RBM47: variants seen among roughly 807,000 people sequenced by gnomAD.
The protein encoded by RBM47 is RNA binding motif protein 47.
In RBM47, 21 loss-of-function variants were observed where a neutral mutation model predicts 47.1. The ratio of observed to expected loss-of-function variants is 0.45; its 90% CI spans 0.32 to 0.64. The LOEUF (loss-of-function observed/expected upper bound fraction) is 0.64, where lower values mean the gene tolerates loss of function less well. RBM47 is among the 30% of genes least tolerant of loss of function. The probability of loss-of-function intolerance (pLI) is 0.05; values close to 1 mark genes in which losing one functional copy is unlikely to be tolerated. For synonymous variants in RBM47, 375 were observed against 361.7 expected (o/e 1.04, Z -0.42); for missense variants, 708 against 870.9 (o/e 0.81, Z 2.35).
chr4:40,629,151 C>A lies in RBM47; in HGVS notation c.-240+245G>T, dbSNP rs141466624. On this transcript the variant is annotated intron_variant, in intron 1 of 6. Coordinates refer to ENST00000295971, the MANE Select transcript of RBM47 (RefSeq NM_001098634.2). ...TTCTTTTATGGGAAAAGATTCATCA[C>A]TACAGGAAACACGATGGGACTGACT... is the stretch of plus-strand genomic sequence containing the variant. Among the ~76,000 whole-genome samples the A allele has an allele frequency of 4.5e-4, 68 of 152,142 alleles. No homozygotes were observed. In the East Asian group the frequency reaches 0.011, roughly 24 times the overall value.
intron 1 of RBM47, among the ~76,000 whole-genome samples, chr4:40,614,816 G>A (rs1265664767): frequency 6.6e-6 from 1 of 151,900 alleles, no homozygotes; most frequent in Non-Finnish European, 1.5e-5. Flanking sequence ...GAGCAACATG[G>A]TAAAAAGGAC....
intron 1 of RBM47, among the ~76,000 whole-genome samples, chr4:40,564,498 C>T (rs1730914008): frequency 6.6e-6 from 1 of 152,214 alleles, no homozygotes; most frequent in South Asian, 2.1e-4. Flanking sequence ...CTTTATGTTA[C>T]AGCCACCTAG....
At chr4:40,432,262 A>T (rs997117066) in intron 6 of RBM47, among the ~76,000 whole-genome samples, 7 of 151,570 alleles carry the variant, frequency 4.6e-5, no homozygotes, top group African/African-American at 1.2e-4. Flanking sequence ...ACATTTTTTT[A>T]AAAAATCTTC....
rs116769112 is a variant in RBM47, at chr4:40,612,382, C to T, written c.-240+17014G>A. On this transcript the variant is annotated intron_variant, in intron 1 of 6. Coordinates refer to ENST00000295971, the MANE Select transcript of RBM47 (RefSeq NM_001098634.2). Reference sequence around the variant, plus strand: ...CAAAAAATAGCCACGTGTAGTGGCACATGCTTGCAATCCCAGCTACTTGGG... The same window carrying T: ...CAAAAAATAGCCACGTGTAGTGGCATATGCTTGCAATCCCAGCTACTTGGG... Among the ~76,000 whole-genome samples, 472 of 152,294 alleles carry T rather than the reference C, an allele frequency of 3.1e-3. 3 individuals carry two copies. Among genetic ancestry groups the T allele is most frequent in the African/African-American group, 0.011 (457 of 41,570 alleles).
At chr4:40,581,333 G>T (rs1425568861) in intron 1 of RBM47, among the ~76,000 whole-genome samples, 2 of 151,834 alleles carry the variant, frequency 1.3e-5, no homozygotes, top group Non-Finnish European at 2.9e-5. Context: ...GAGGTGGGAA[G>T]ATCCCTTGAG....
chr4:40,437,090 A>AAAAATATATATATAT (rs1256296949), intron 4 of RBM47, among the ~76,000 whole-genome samples: 3 of 49,804 alleles, frequency 6.0e-5, no homozygotes, highest in South Asian at 5.3e-4. Flanking sequence ...AAAAAAAAAA[A>AAAAATATATATATAT]ATATATATAT....
At chr4:40,437,090 A>AAAAAAAAAAAATATATATATAT (rs1256296949) in intron 4 of RBM47, among the ~76,000 whole-genome samples, 5 of 49,800 alleles carry the variant, frequency 1.0e-4, no homozygotes, top group East Asian at 7.8e-4. Flanking sequence ...AAAAAAAAAA[A>AAAAAAAAAAAATATATATATAT]ATATATATAT....
At position 40,498,054 on chromosome 4, in the gene RBM47, T is replaced by TTATATA. The variant is rs6148409; in HGVS notation, c.-154-31361_-154-31356dup. On this transcript the variant is annotated intron_variant, in intron 2 of 6. Transcript: ENST00000295971. ...TGCAAATAAAATGTAAGTGCTTGTT[T>TTATATA]TATATATATATATATATATATATAT... Among the ~76,000 whole-genome samples, 520 of 109,868 alleles carry TTATATA rather than the reference T, an allele frequency of 4.7e-3. 29 individuals are homozygous for TTATATA. The highest frequency in any genetic ancestry group is 5.0e-3 in the African/African-American group (158 of 31,672). 72.1% of individuals were successfully genotyped at this position (109,868 alleles called of 152,430 possible). A position where few individuals can be genotyped will look rare whatever the true frequency, so the allele number is the denominator to read the frequency against.
At chr4:40,451,936 A>G (rs1358748550) in intron 3 of RBM47, among the ~76,000 whole-genome samples, 1 of 152,144 alleles carries the variant, frequency 6.6e-6, no homozygotes, top group Non-Finnish European at 1.5e-5. Flanking sequence ...TTGGGAGGCC[A>G]AGGCGGGCAG....
At chr4:40,580,960 C>T (rs567545593) in intron 1 of RBM47, among the ~76,000 whole-genome samples, 2 of 152,226 alleles carry the variant, frequency 1.3e-5, no homozygotes, top group Admixed American at 6.5e-5. Context: ...CGCCCCATGG[C>T]GGGAACAGGT....
intron 1 of RBM47, among the ~76,000 whole-genome samples, chr4:40,595,876 G>A (rs141976236): frequency 0.011 from 1,617 of 151,974 alleles, 38 homozygotes; most frequent in African/African-American, 0.036. Context: ...CTGTTCTCCA[G>A]GCTGGGCAAC....
chr4:40,525,919 T>C (rs1726658692), intron 2 of RBM47, among the ~76,000 whole-genome samples: 1 of 152,226 alleles, frequency 6.6e-6, no homozygotes, highest in African/African-American at 2.4e-5. Flanking sequence ...AGCCCTGCTC[T>C]AGGGCCTGAA....
intron 2 of RBM47, among the ~76,000 whole-genome samples, chr4:40,506,774 G>A (rs937546055): frequency 6.6e-6 from 1 of 152,170 alleles, no homozygotes; most frequent in Non-Finnish European, 1.5e-5. Flanking sequence ...CTCTTTATTG[G>A]AGGAAAAGAA....
chr4:40,562,602 A>G (rs961895677), intron 1 of RBM47, among the ~76,000 whole-genome samples: 2 of 151,260 alleles, frequency 1.3e-5, no homozygotes. Context: ...AATAATTGGG[A>G]TTACAGGTGC....
intron 1 of RBM47, among the ~76,000 whole-genome samples, chr4:40,573,658 A>G (rs1173043016): frequency 6.6e-6 from 1 of 151,710 alleles, no homozygotes; most frequent in Non-Finnish European, 1.5e-5. Flanking sequence ...TGAACCCGGG[A>G]GGCAGAGGTT....
chr4:40,443,288 T>G (rs1017978228), intron 3 of RBM47, among the ~76,000 whole-genome samples: 1 of 152,004 alleles, frequency 6.6e-6, no homozygotes, highest in Non-Finnish European at 1.5e-5. Flanking sequence ...AACCATACAC[T>G]TAAAAATGGT....
At chr4:40,534,751 G>A (rs1251400573) in intron 2 of RBM47, among the ~76,000 whole-genome samples, 1 of 151,962 alleles carries the variant, frequency 6.6e-6, no homozygotes. Context: ...TGGCTAACAC[G>A]GTGAAACCCC....
At chr4:40,617,642 A>T (rs763122554) in intron 1 of RBM47, among the ~76,000 whole-genome samples, 1 of 151,376 alleles carries the variant, frequency 6.6e-6, no homozygotes, top group Non-Finnish European at 1.5e-5. Context: ...AGTGTTAAGT[A>T]TAAATATATA....
Position 40,423,949 on chromosome 4 carries a change from C to T in RBM47, c.*1955G>A, listed in dbSNP as rs1714705661. The T allele has an allele frequency of 6.6e-6, 1 of 152,314 alleles. No individual in the cohort carries two copies. The highest frequency in any genetic ancestry group is 1.5e-5 in the Non-Finnish European group (1 of 68,010). The allele number at this position is 152,314 out of a possible 1,614,324, so 9.4% of individuals were successfully genotyped here. A position where few individuals can be genotyped will look rare whatever the true frequency, so the allele number is the denominator to read the frequency against. On this transcript the variant is annotated 3_prime_UTR_variant, in exon 7 of 7. Coordinates refer to ENST00000295971, the MANE Select transcript of RBM47 (RefSeq NM_001098634.2). ...GAGTTTGAATGCAGCTTGTGGGGTA[C>T]ATCATCAGGAACATTGCACAATTAT...
Sources: allele counts gnomAD v4.1 joint callset (sites outside exome capture counted in the v4.1 genomes callset), GRCh38; gene constraint gnomAD v4.1.1; transcripts MANE v1.5; gene names NCBI Gene and HGNC (gene_info 2026-07-23, HGNC 2026-07-21).